The following SUCLG2 variants were observed in gnomAD, a reference collection of about 807,000 sequenced individuals.
SUCLG2 encodes the protein succinate-CoA ligase GDP-forming subunit beta, also known as succinate--CoA ligase [GDP-forming] subunit beta, mitochondrial.
SUCLG2 carries 42 observed loss-of-function variants against 47.9 expected under a neutral mutation model. The ratio of observed to expected loss-of-function variants is 0.88; its 90% CI spans 0.69 to 1.14. The LOEUF (loss-of-function observed/expected upper bound fraction) is 1.14, where lower values mean the gene tolerates loss of function less well. SUCLG2 is among the 50% of genes most tolerant of loss of function. SUCLG2 has a pLI of 0.00. For synonymous variants in SUCLG2, 195 were observed against 197.3 expected, an observed-to-expected ratio of 0.99 and a Z score of 0.10; for missense variants, 571 against 525.9, an observed-to-expected ratio of 1.09 and a Z score of -0.84.
At position 67,495,812 on chromosome 3, in the gene SUCLG2, T is replaced by C. The variant is rs1407510630; in HGVS notation, c.1048A>G (p.Thr350Ala). ...AGAAAGGTTACCTTAGGATCAGCTG[T>C]GAGCAATTTGAATGCTTGATATACT... ...AQVYQAFKLL[T>A]ADPKVEAILV... The change falls in exon 9 of 11, where the codon ACA becomes GCA. Residue 350 changes from threonine (T) to alanine (A), a missense_variant. Transcript: ENST00000307227. 7 of 1,613,778 alleles carry C rather than the reference T, an allele frequency of 4.3e-6. 1 individual carries two copies. The South Asian group carries it at 6.6e-5, about 15-fold the overall frequency.
intron 9 of SUCLG2, among the ~76,000 whole-genome samples, chr3:67,460,119 A>T (rs577208777): frequency 4.7e-4 from 72 of 152,320 alleles, no homozygotes; most frequent in African/African-American, 1.5e-3. Context: ...AAGAAAAAAA[A>T]ATTGATATTG....
intron 9 of SUCLG2, among the ~76,000 whole-genome samples, chr3:67,448,116 C>T (rs1216984399): frequency 2.0e-5 from 3 of 151,832 alleles, no homozygotes; most frequent in African/African-American, 7.3e-5. Context: ...ATCAGAAATA[C>T]AAAAGTTCAT....
chr3:67,506,965 T>A (rs781075611), intron 7 of SUCLG2, among the ~76,000 whole-genome samples: 1 of 152,184 alleles, frequency 6.6e-6, no homozygotes, highest in Non-Finnish European at 1.5e-5. Context: ...CAGAGGGACA[T>A]GGGTTCAAAT....
intron 2 of SUCLG2, among the ~76,000 whole-genome samples, chr3:67,571,317 C>T (rs187212484): frequency 1.2e-3 from 190 of 152,208 alleles, no homozygotes; most frequent in Non-Finnish European, 2.3e-3. Context: ...CACAGGACAG[C>T]CCTCACAGCA....
At chr3:67,469,431 T>A (rs1426553234) in intron 9 of SUCLG2, among the ~76,000 whole-genome samples, 1 of 152,228 alleles carries the variant, frequency 6.6e-6, no homozygotes, top group Non-Finnish European at 1.5e-5. Context: ...ATACTTTATT[T>A]TAAAATAATT....
intron 9 of SUCLG2, among the ~76,000 whole-genome samples, chr3:67,417,667 G>C (rs529173570): frequency 6.6e-6 from 1 of 152,240 alleles, no homozygotes; most frequent in African/African-American, 2.4e-5. Flanking sequence ...AAGAGTGAAG[G>C]CTGAATGATT....
chr3:67,476,232 G>A lies in SUCLG2; in HGVS notation c.1062+19566C>T, dbSNP rs1175095753. Among the ~76,000 whole-genome samples, 5 of 152,122 alleles carry A rather than the reference G, an allele frequency of 3.3e-5. No individual in the cohort carries two copies. In the East Asian group the frequency reaches 5.8e-4, roughly 18 times the overall value. On this transcript the variant is annotated intron_variant, in intron 9 of 10. Transcript: ENST00000307227. Reference sequence around the variant, plus strand: ...TAGGAACTGGGCCGCACAGCAGGAGGTGAGCAGTGGGCAAGCAAACGAAGC... The same window carrying A: ...TAGGAACTGGGCCGCACAGCAGGAGATGAGCAGTGGGCAAGCAAACGAAGC...
Position 67,601,877 on chromosome 3 carries a change from G to A in SUCLG2, c.226+7578C>T, listed in dbSNP as rs184433498. On this transcript the variant is annotated intron_variant, in intron 2 of 10. Transcript: ENST00000307227. Reference sequence around the variant, plus strand: ...CACGCCTGTAATCCCAGATACTCAGGAGGCTAAGTCATGAGAACCGCCTGA... The same window carrying A: ...CACGCCTGTAATCCCAGATACTCAGAAGGCTAAGTCATGAGAACCGCCTGA... Among the ~76,000 whole-genome samples, 5 of 152,166 alleles carry A rather than the reference G, an allele frequency of 3.3e-5. No homozygotes were observed. The East Asian group carries it at 9.7e-4, about 29-fold the overall frequency.
intron 9 of SUCLG2, among the ~76,000 whole-genome samples, chr3:67,475,703 G>C (rs1487711889): frequency 6.6e-6 from 1 of 151,026 alleles, no homozygotes; most frequent in Non-Finnish European, 1.5e-5. Flanking sequence ...CCCCATAATT[G>C]ATTTTCCTTC....
At chr3:67,592,973 A>C (rs1181986876) in intron 2 of SUCLG2, among the ~76,000 whole-genome samples, 1 of 152,166 alleles carries the variant, frequency 6.6e-6, no homozygotes, top group Non-Finnish European at 1.5e-5. Context: ...GAAGCAAACC[A>C]CTATGGTGAG....
chr3:67,551,591 A>G (rs1707016016), intron 2 of SUCLG2, among the ~76,000 whole-genome samples: 2 of 152,190 alleles, frequency 1.3e-5, no homozygotes, highest in African/African-American at 4.8e-5. Flanking sequence ...GCCCTGTGGC[A>G]GCCTGGGAGG....
chr3:67,638,531 C>T (rs1701046026), intron 1 of SUCLG2, among the ~76,000 whole-genome samples: 1 of 152,144 alleles, frequency 6.6e-6, no homozygotes, highest in South Asian at 2.1e-4. Flanking sequence ...AGGAGATGCC[C>T]TACAGCTGAG....
At chr3:67,440,179 T>G (rs183091384) in intron 9 of SUCLG2, among the ~76,000 whole-genome samples, 9 of 152,300 alleles carry the variant, frequency 5.9e-5, no homozygotes, top group African/African-American at 2.2e-4. Context: ...GCTAGCCATA[T>G]GCAGAAAACT....
At chr3:67,491,794 G>T (rs1264008124) in intron 9 of SUCLG2, among the ~76,000 whole-genome samples, 2 of 152,174 alleles carry the variant, frequency 1.3e-5, no homozygotes, top group East Asian at 3.8e-4. Context: ...TTTTTTAAAT[G>T]ATACTGTCAT....
At chr3:67,451,861 C>G (rs924714285) in intron 9 of SUCLG2, among the ~76,000 whole-genome samples, 2 of 152,048 alleles carry the variant, frequency 1.3e-5, no homozygotes, top group African/African-American at 4.8e-5. Context: ...GGGGAAGAAC[C>G]TGATGTGTAG....
intron 1 of SUCLG2, among the ~76,000 whole-genome samples, chr3:67,640,708 C>G (rs1484421757): frequency 1.3e-5 from 2 of 152,190 alleles, no homozygotes; most frequent in African/African-American, 4.8e-5. Context: ...TCAACTACTG[C>G]TATTACTCCT....
intron 9 of SUCLG2, among the ~76,000 whole-genome samples, chr3:67,468,136 G>A (rs183074643): frequency 2.6e-5 from 4 of 152,208 alleles, no homozygotes; most frequent in East Asian, 1.9e-4. Flanking sequence ...CAAAAAAATC[G>A]AACTCACTCA....
intron 9 of SUCLG2, among the ~76,000 whole-genome samples, chr3:67,450,766 A>T (rs1460011245): frequency 6.6e-6 from 1 of 152,202 alleles, no homozygotes; most frequent in Non-Finnish European, 1.5e-5. Flanking sequence ...AGATAACAAC[A>T]TCATTTCCCA....
chr3:67,602,686 A>G (rs1209789465), intron 2 of SUCLG2, among the ~76,000 whole-genome samples: 3 of 152,182 alleles, frequency 2.0e-5, no homozygotes, highest in Non-Finnish European at 4.4e-5. Context: ...AGGGAAAACC[A>G]TTAATTTAAA....
Sources: allele counts gnomAD v4.1 joint callset (sites outside exome capture counted in the v4.1 genomes callset), GRCh38; gene constraint gnomAD v4.1.1; transcripts MANE v1.5; gene names NCBI Gene and HGNC (gene_info 2026-07-23, HGNC 2026-07-21).